The following PNPT1 variants were observed in gnomAD, a reference collection of about 807,000 sequenced individuals.
PNPT1 encodes the protein polyribonucleotide nucleotidyltransferase 1.
Under a neutral mutation model 119.5 loss-of-function variants are expected in PNPT1, and 53 were observed. The observed-to-expected ratio is 0.44, with a 90% confidence interval of 0.36 to 0.56. The LOEUF (loss-of-function observed/expected upper bound fraction) is 0.56, where lower values mean the gene tolerates loss of function less well. PNPT1 is among the 20% of genes least tolerant of loss of function. The pLI, the probability that PNPT1 is intolerant of heterozygous loss-of-function variation, is 0.00. For synonymous variants in PNPT1, 357 were observed against 322.1 expected, an observed-to-expected ratio of 1.11 and a Z score of -1.16; for missense variants, 948 against 938.5, an observed-to-expected ratio of 1.01 and a Z score of -0.13.
intron 4 of PNPT1, 69 bp from the exon 5 acceptor site, chr2:55,683,903 C>G: frequency 1.4e-6 from 2 of 1,439,304 alleles, no homozygotes; most frequent in Admixed American, 1.8e-5. Context: ...AACGTTTGAA[C>G]TAATATAGAT....
At position 55,661,972 on chromosome 2, in the gene PNPT1, C is replaced by T. The variant is rs551750608; in HGVS notation, c.1231G>A (p.Val411Ile). 2.3e-4 allele frequency: 357 copies of T among 1,572,322 alleles called. 7 individuals are homozygous for T. The South Asian group carries it at 4.1e-3, about 18-fold the overall frequency. The stretch of plus-strand genomic sequence containing the variant: ...ATAACTTACTTTATAGCTGTTATAA[C>T]TTGATCTGACTTAATACCAGATTCT... ...SLESGIKSDQ[V>I]ITAINGIKDK... The change falls in exon 14 of 28, where the codon GTT (valine) becomes ATT (isoleucine). Residue 411 changes from valine (V) to isoleucine (I), a missense_variant. By Grantham distance (29) the Val-to-Ile change is conservative. Coordinates refer to ENST00000447944, the MANE Select transcript of PNPT1 (RefSeq NM_033109.5).
At chr2:55,662,574 C>A (rs1263913937) in intron 13 of PNPT1, among the ~76,000 whole-genome samples, 5 of 152,114 alleles carry the variant, frequency 3.3e-5, no homozygotes. Flanking sequence ...GCTTGGGAGG[C>A]TGAGGCAGAA....
intron 8 of PNPT1, among the ~76,000 whole-genome samples, chr2:55,677,359 C>T (rs1697104945): frequency 6.6e-6 from 1 of 152,022 alleles, no homozygotes; most frequent in Non-Finnish European, 1.5e-5. Flanking sequence ...TTTTGGTGGC[C>T]GAAGCGGGCA....
chr2:55,657,593 T>A (rs34513671), intron 15 of PNPT1, among the ~76,000 whole-genome samples: 2 of 150,472 alleles, frequency 1.3e-5, no homozygotes, highest in African/African-American at 4.9e-5. Flanking sequence ...ACCATGTTGG[T>A]CAGGCTGGTC....
rs200631538 is a variant in PNPT1, at chr2:55,647,398, G to A, written c.1551C>T (p.Thr517=). 112 of 1,609,218 alleles carry A rather than the reference G, an allele frequency of 7.0e-5. No individual in the cohort carries two copies. Among genetic ancestry groups the A allele is most frequent in the African/African-American group, 8.0e-5 (6 of 74,910 alleles). Residue 517 remains threonine, a synonymous_variant, in exon 19 of 28, where the codon ACC becomes ACT. Transcript: ENST00000447944. ...CTTCTATTTCACCCTTCTCAGGATC[G>A]GTTTTGGTGACCAATCCTATTGCTA... ...AGVAIGLVTK[T]DPEKGEIEDY...
At chr2:55,642,097 C>T (rs1283949337) in intron 25 of PNPT1, among the ~76,000 whole-genome samples, 1 of 152,010 alleles carries the variant, frequency 6.6e-6, no homozygotes, top group East Asian at 1.9e-4. Flanking sequence ...GCCTTGGCCT[C>T]CCAAAGAGCT....
chr2:55,679,575 A>AT, intron 8 of PNPT1, 107 bp downstream of exon 8: 1 of 764,146 alleles, frequency 1.3e-6, no homozygotes, highest in Non-Finnish European at 2.1e-6. Flanking sequence ...CATGACAAAA[A>AT]TTTTTATGGC....
intron 17 of PNPT1, 150 bp from the exon 18 acceptor site, chr2:55,655,103 A>G (rs980337765): frequency 4.7e-5 from 35 of 745,876 alleles, no homozygotes; most frequent in Non-Finnish European, 7.6e-5. Flanking sequence ...AAGGTCTTTT[A>G]AGCTATAAAC....
intron 18 of PNPT1, among the ~76,000 whole-genome samples, chr2:55,650,854 G>C (rs1363098680): frequency 6.6e-6 from 1 of 151,930 alleles, no homozygotes; most frequent in East Asian, 2.0e-4. Context: ...TGGGAAGTGA[G>C]GAGCGTCTCT....
chr2:55,636,254 A>G lies in PNPT1; in HGVS notation c.2335T>C (p.Ser779Pro), dbSNP rs201498158. 1.2e-5 allele frequency: 19 copies of G among 1,610,554 alleles called. No individual in the cohort carries two copies. Among genetic ancestry groups the G allele is most frequent in the Non-Finnish European group, 1.7e-6 (2 of 1,178,040 alleles). The change falls in exon 28 of 28, where the codon TCA becomes CCA. Residue 779 changes from serine (S) to proline (P), a missense_variant. Coordinates refer to ENST00000447944, the MANE Select transcript of PNPT1 (RefSeq NM_033109.5). ...AAAAAAAATCACTGAGAATTAGATGATGACTGTGAAATAGGTTCTCCCATT... is the reference window on the plus strand; with the variant it reads ...AAAAAAAATCACTGAGAATTAGATGGTGACTGTGAAATAGGTTCTCCCATT... ...IVMGEPISQS[S>P]SNSQ
At chr2:55,668,173 T>G (rs2104110909) in intron 11 of PNPT1, among the ~76,000 whole-genome samples, 1 of 152,378 alleles carries the variant, frequency 6.6e-6, no homozygotes, top group East Asian at 1.9e-4. Flanking sequence ...GTTGTTATTG[T>G]GAACTTAGTT....
intron 25 of PNPT1, among the ~76,000 whole-genome samples, chr2:55,642,374 A>AG (rs1422507273): frequency 6.6e-6 from 1 of 151,802 alleles, no homozygotes; most frequent in Non-Finnish European, 1.5e-5. Context: ...TGGGAGGCCG[A>AG]GGGGGGCGGA....
intron 8 of PNPT1, among the ~76,000 whole-genome samples, chr2:55,677,464 C>G (rs1040588739): frequency 6.6e-6 from 1 of 151,874 alleles, no homozygotes; most frequent in African/African-American, 2.4e-5. Context: ...CATGGCGGTG[C>G]ACGCCTATAA....
At position 55,676,262 on chromosome 2, in the gene PNPT1, CAAAAAAAAAAA is replaced by C. The variant is rs11400030; in HGVS notation, c.680-3194_680-3184del. On this transcript the variant is annotated intron_variant, in intron 8 of 27. Coordinates refer to ENST00000447944, the MANE Select transcript of PNPT1 (RefSeq NM_033109.5). ...CGACAGAGTAAGACTCCATCTCAAC[CAAAAAAAAAAA>C]AAAAAAAAAAAGAAGATTGCTATAA... 5.9e-4 allele frequency among the ~76,000 whole-genome samples: 49 copies of C among 82,842 alleles called. No individual in the cohort carries two copies. In the East Asian group the frequency reaches 0.018, roughly 30 times the overall value. The allele number at this position is 82,842 out of a possible 152,430, so 54.3% of individuals were successfully genotyped here. A position where few individuals can be genotyped will look rare whatever the true frequency, so the allele number is the denominator to read the frequency against.
chr2:55,651,754 C>G (rs1359489050), intron 18 of PNPT1, among the ~76,000 whole-genome samples: 4 of 136,898 alleles, frequency 2.9e-5, no homozygotes, highest in African/African-American at 1.1e-4. Context: ...CTGTGAGAAA[C>G]ACCCAAGAAT....
intron 11 of PNPT1, among the ~76,000 whole-genome samples, chr2:55,669,923 T>G (rs1696855651): frequency 6.6e-6 from 1 of 152,034 alleles, no homozygotes; most frequent in Non-Finnish European, 1.5e-5. Context: ...CATGCCCGCC[T>G]AATTTTTGTA....
intron 2 of PNPT1, among the ~76,000 whole-genome samples, chr2:55,686,986 A>G (rs1697426421): frequency 6.6e-6 from 1 of 150,580 alleles, no homozygotes; most frequent in Admixed American, 6.6e-5. Flanking sequence ...AGGCTGAGGC[A>G]GGCGGATCAC....
intron 12 of PNPT1, among the ~76,000 whole-genome samples, chr2:55,667,519 G>A (rs879699258): frequency 7.9e-5 from 12 of 151,892 alleles, no homozygotes; most frequent in African/African-American, 1.5e-4. Context: ...ACGTGAACCC[G>A]GAAGGCGGAG....
Position 55,667,688 on chromosome 2 carries a change from A to G in PNPT1, c.1073+174T>C, listed in dbSNP as rs140353356. Among the ~76,000 whole-genome samples the G allele has an allele frequency of 1.8e-4, 28 of 152,288 alleles. 1 individual carries two copies. In the East Asian group the frequency reaches 5.4e-3, roughly 29 times the overall value. ...GCTTTATACACCAGGCCCAAGACAG[A>G]TGGTCACATATCATGTACTTTTTCT... On this transcript the variant is annotated intron_variant, in intron 12 of 27. Transcript: ENST00000447944.
Sources: allele counts gnomAD v4.1 joint callset (sites outside exome capture counted in the v4.1 genomes callset), GRCh38; gene constraint gnomAD v4.1.1; transcripts MANE v1.5; gene names NCBI Gene and HGNC (gene_info 2026-07-23, HGNC 2026-07-21).